ITGA4: variants seen among roughly 807,000 people sequenced by gnomAD.
ITGA4 encodes the protein integrin subunit alpha 4.
Under a neutral mutation model 133.6 loss-of-function variants are expected in ITGA4, and 63 were observed. That is an observed-to-expected ratio of 0.47 (90% CI 0.38 to 0.58). The LOEUF is 0.58. Among genes scored for constraint, ITGA4 ranks in the 20% least tolerant of loss-of-function variants. The pLI is 0.00. For missense variants in ITGA4, 1,076 were observed against 1,252.7 expected, an observed-to-expected ratio of 0.86 and a Z score of 2.13; for synonymous variants, 483 against 438.0, an observed-to-expected ratio of 1.10 and a Z score of -1.28.
chr2:181,507,460 C>T (rs1473924847), intron 15 of ITGA4, among the ~76,000 whole-genome samples: 2 of 152,036 alleles, frequency 1.3e-5, no homozygotes, highest in Admixed American at 6.6e-5. Flanking sequence ...TTGAAAATCA[C>T]ATTTCTGTCT....
chr2:181,527,738 A>T (rs1686863607), intron 22 of ITGA4, among the ~76,000 whole-genome samples: 1 of 152,216 alleles, frequency 6.6e-6, no homozygotes, highest in South Asian at 2.1e-4. Flanking sequence ...GGTGCAAATC[A>T]GTGAAATTTC....
chr2:181,508,902 G>A (rs1686446039), intron 15 of ITGA4, among the ~76,000 whole-genome samples: 1 of 151,692 alleles, frequency 6.6e-6, no homozygotes, highest in African/African-American at 2.4e-5. Flanking sequence ...CAGCTCTTTG[G>A]GAGGCCAAAA....
intron 18 of ITGA4, 83 bp downstream of exon 18, chr2:181,522,424 C>A: frequency 1.1e-6 from 1 of 945,740 alleles, no homozygotes; most frequent in Non-Finnish European, 1.6e-6. Context: ...ATTCACTTCA[C>A]TGATTTGGGG....
At position 181,538,417 on chromosome 2, in the gene ITGA4, A is replaced by ATAAT. The variant is rs993334732; in HGVS notation, c.*2892_*2895dup. On this transcript the variant is annotated 3_prime_UTR_variant, in exon 28 of 28. Transcript: ENST00000397033. ...TCTGATTGATAAATCATCAACAACA[A>ATAAT]TAATTGCTCTAAAACCTCCTTAACT... Among the ~76,000 whole-genome samples, 3 of 152,178 alleles carry ATAAT rather than the reference A, an allele frequency of 2.0e-5. No homozygotes were observed. The highest frequency in any genetic ancestry group is 7.2e-5 in the African/African-American group (3 of 41,458).
intron 11 of ITGA4, 136 bp downstream of exon 11, chr2:181,493,555 G>A: frequency 1.9e-6 from 1 of 516,770 alleles, no homozygotes; most frequent in Non-Finnish European, 3.4e-6. Flanking sequence ...TTTACTTATA[G>A]TGGCAAATGA....
chr2:181,519,644 T>C (rs940098645), intron 17 of ITGA4, among the ~76,000 whole-genome samples: 9 of 152,156 alleles, frequency 5.9e-5, no homozygotes, highest in Admixed American at 4.6e-4. Context: ...GCCATGGTCA[T>C]ATGATGCCAT....
At position 181,538,832 on chromosome 2, in the gene ITGA4, A is replaced by T. The variant is rs928131635; in HGVS notation, c.*3305A>T. Among the ~76,000 whole-genome samples the T allele has an allele frequency of 6.6e-6, 1 of 152,204 alleles. No homozygotes were observed. The highest frequency in any genetic ancestry group is 1.5e-5 in the Non-Finnish European group (1 of 68,028). On this transcript the variant is annotated 3_prime_UTR_variant, in exon 28 of 28. Coordinates refer to ENST00000397033, the MANE Select transcript of ITGA4 (RefSeq NM_000885.6). ...AAGTTGTAGACATTATCTGTAGTTTATGCACAACAATAAATTAGAAAGCCA... is the reference window on the plus strand; with the variant it reads ...AAGTTGTAGACATTATCTGTAGTTTTTGCACAACAATAAATTAGAAAGCCA...
intron 2 of ITGA4, among the ~76,000 whole-genome samples, chr2:181,467,190 T>G (rs922142535): frequency 6.6e-6 from 1 of 151,514 alleles, no homozygotes; most frequent in Non-Finnish European, 1.5e-5. Flanking sequence ...TTGAAATGTA[T>G]GGGTTTTGTC....
At position 181,493,314 on chromosome 2, in the gene ITGA4, T is replaced by C; in HGVS notation, c.1154-11T>C. 3 of 1,573,946 alleles carry C rather than the reference T, an allele frequency of 1.9e-6. No individual in the cohort carries two copies. Among genetic ancestry groups the C allele is most frequent in the Non-Finnish European group, 2.6e-6 (3 of 1,150,562 alleles). ...AGAATTTATTTTTCCATTGTTTAAA[T>C]TATTGGATAGATGTTGCTATCGGAG... On this transcript the variant is annotated splice_polypyrimidine_tract_variant and intron_variant, in intron 10 of 27. Coordinates refer to ENST00000397033, the MANE Select transcript of ITGA4 (RefSeq NM_000885.6).
intron 15 of ITGA4, among the ~76,000 whole-genome samples, chr2:181,504,362 ATC>A (rs1271917442): frequency 6.6e-6 from 1 of 152,084 alleles, no homozygotes; most frequent in East Asian, 1.9e-4. Context: ...TCTAAAACTC[ATC>A]TTTTTTCCAT....
Position 181,495,543 on chromosome 2 carries a change from T to C in ITGA4, c.1385+127T>C. ...CTTTTGGTATTCTGAAGCTTAATTA[T>C]TGATTTTTAGGGTATTTTTTTCACC... On this transcript the variant is annotated intron_variant, in intron 13 of 27. Transcript: ENST00000397033. This position sits in a 1 kb window ranked among gnomAD's most constrained non-coding sequence, Gnocchi z 4.3. The C allele has an allele frequency of 2.5e-6, 2 of 785,286 alleles. No homozygotes were observed. The highest frequency in any genetic ancestry group is 4.3e-6 in the Non-Finnish European group (2 of 464,070). The allele number at this position is 785,286 out of a possible 1,614,324, so 48.6% of individuals were successfully genotyped here. A position where few individuals can be genotyped will look rare whatever the true frequency, so the allele number is the denominator to read the frequency against.
intron 14 of ITGA4, among the ~76,000 whole-genome samples, chr2:181,497,476 T>C (rs1686179105): frequency 6.6e-6 from 1 of 152,148 alleles, no homozygotes; most frequent in South Asian, 2.1e-4. Flanking sequence ...TAGACAGCTA[T>C]ATCAATTGCA....
chr2:181,505,857 G>C (rs1252266793), intron 15 of ITGA4, among the ~76,000 whole-genome samples: 1 of 152,210 alleles, frequency 6.6e-6, no homozygotes, highest in South Asian at 2.1e-4. Flanking sequence ...CAGTGGACAT[G>C]TGGAGGGACA....
intron 22 of ITGA4, among the ~76,000 whole-genome samples, chr2:181,529,248 TG>T: frequency 7.5e-6 from 1 of 133,178 alleles, no homozygotes; most frequent in South Asian, 3.6e-4. Flanking sequence ...AAATATATAT[TG>T]TTTATGTCTC....
At position 181,523,813 on chromosome 2, in the gene ITGA4, C is replaced by T. The variant is rs1686772731; in HGVS notation, c.2169+281C>T. ...ACACACCCTTCCCGAAAACCCCCAC[C>T]CCCACCGCAGGTGGTCCTGTCTGCC... On this transcript the variant is annotated intron_variant, in intron 19 of 27. Coordinates refer to ENST00000397033, the MANE Select transcript of ITGA4 (RefSeq NM_000885.6). The surrounding 1 kb of genome is among the most constrained non-coding windows in gnomAD (Gnocchi z 4.2). 6.6e-6 allele frequency among the ~76,000 whole-genome samples: 1 copy of T among 152,110 alleles called. No homozygotes were observed.
chr2:181,468,439 A>G (rs1250522988), intron 2 of ITGA4, among the ~76,000 whole-genome samples: 1 of 152,138 alleles, frequency 6.6e-6, no homozygotes, highest in African/African-American at 2.4e-5. Flanking sequence ...CCTCCCTCAT[A>G]CATACTGAGT....
intron 2 of ITGA4, among the ~76,000 whole-genome samples, chr2:181,465,242 C>T (rs944109204): frequency 6.6e-6 from 1 of 152,120 alleles, no homozygotes; most frequent in African/African-American, 2.4e-5. Context: ...GTCAATATCA[C>T]ATTTTATCCT....
intron 2 of ITGA4, among the ~76,000 whole-genome samples, chr2:181,460,895 TATA>T (rs1179439796): frequency 6.6e-6 from 1 of 152,086 alleles, no homozygotes; most frequent in Non-Finnish European, 1.5e-5. Flanking sequence ...AAAAAAATGT[TATA>T]ATGATTAAAG....
At chr2:181,496,838 TGTA>T (rs1188189338) in intron 14 of ITGA4, among the ~76,000 whole-genome samples, 1 of 152,202 alleles carries the variant, frequency 6.6e-6, no homozygotes, top group Non-Finnish European at 1.5e-5. Context: ...AAGAGTTTAT[TGTA>T]TTCATGACCC....
Sources: gnomAD v4.1 joint callset for allele counts (sites outside exome capture counted in the v4.1 genomes callset) on GRCh38, gnomAD v4.1.1 for gene constraint, Gnocchi (gnomAD v3.1) non-coding constraint, MANE v1.5 for transcripts, NCBI Gene and HGNC (gene_info 2026-07-23, HGNC 2026-07-21) for gene names.